Variants in ZNF555 observed in about 807,000 individuals in gnomAD.
ZNF555 encodes the protein zinc finger protein 555.
In ZNF555, 10 loss-of-function variants were observed where a neutral mutation model predicts 14.0. The ratio of observed to expected loss-of-function variants is 0.72; its 90% CI spans 0.44 to 1.21. ZNF555 has a LOEUF of 1.21. Ranked by LOEUF, ZNF555 falls within the 50% of genes most tolerant of loss-of-function variation. The pLI is 0.00. For missense variants in ZNF555, 747 were observed against 762.0 expected, an observed-to-expected ratio of 0.98 and a Z score of 0.23; for synonymous variants, 277 against 262.4, an observed-to-expected ratio of 1.06 and a Z score of -0.54.
chr19:2,849,822 C>G (rs941376880), intron 1 of ZNF555, among the ~76,000 whole-genome samples: 1 of 152,040 alleles, frequency 6.6e-6, no homozygotes, highest in Non-Finnish European at 1.5e-5. Context: ...GTGAAAAGAG[C>G]TGTTTTGGCA....
intron 1 of ZNF555, among the ~76,000 whole-genome samples, chr19:2,842,889 A>C (rs1004167200): frequency 4.6e-5 from 7 of 152,150 alleles, no homozygotes; most frequent in Admixed American, 4.6e-4. Flanking sequence ...CTAGAAATAC[A>C]AAAATTAGCT....
intron 3 of ZNF555, among the ~76,000 whole-genome samples, 184 bp downstream of exon 3, chr19:2,851,835 T>C (rs1445745314): frequency 2.6e-5 from 4 of 152,170 alleles, no homozygotes; most frequent in Non-Finnish European, 5.9e-5. Flanking sequence ...ATTAGAAACA[T>C]AATTCAGATG....
At position 2,852,932 on chromosome 19, in the gene ZNF555, T is replaced by C; in HGVS notation, c.867T>C (p.Cys289=). 1 of 1,614,254 alleles carries C rather than the reference T, an allele frequency of 6.2e-7. No homozygotes were observed. Among genetic ancestry groups the C allele is most frequent in the South Asian group, 1.1e-5 (1 of 91,092 alleles). Residue 289 remains cysteine (C), a synonymous_variant, in exon 4 of 4, where the codon TGT becomes TGC. Transcript: ENST00000334241. ...AGAAGCCATATAAATGTAAGGAATG[T>C]GCGGAAGCCTTTAGTTATTCCTCAA... ...TGEKPYKCKE[C]AEAFSYSSTF... is the part of the protein sequence containing the mutation.
intron 1 of ZNF555, among the ~76,000 whole-genome samples, chr19:2,843,101 C>G (rs1048611157): frequency 1.3e-5 from 2 of 151,204 alleles, no homozygotes; most frequent in African/African-American, 4.8e-5. Flanking sequence ...AAATCTGTGT[C>G]TTACATTCCA....
intron 1 of ZNF555, among the ~76,000 whole-genome samples, chr19:2,847,786 A>G (rs1162692561): frequency 6.6e-6 from 1 of 152,222 alleles, no homozygotes; most frequent in Non-Finnish European, 1.5e-5. Flanking sequence ...ACCAGGAATT[A>G]GGACACGGAC....
At chr19:2,845,763 T>C (rs1249995720) in intron 1 of ZNF555, among the ~76,000 whole-genome samples, 1 of 152,146 alleles carries the variant, frequency 6.6e-6, no homozygotes, top group East Asian at 1.9e-4. Flanking sequence ...GAAAGCCAGG[T>C]GGCTTATTAA....
In ZNF555 at chr19:2,851,499, A is replaced by G. The variant is rs1042608078; in HGVS notation, c.162A>G (p.Ser54=). 1 of 1,591,912 alleles carries G rather than the reference A, an allele frequency of 6.3e-7. No homozygotes were observed. Residue 54 remains serine, a synonymous_variant, in exon 3 of 4, where the codon TCA becomes TCG. Transcript: ENST00000334241. ...AAACTCAATTTAAGGCCAGTGGGTC[A>G]GTTTCTCAGCAGGATATTTATGGAG... ...DDETQFKASG[S]VSQQDIYGEK...
At position 2,852,492 on chromosome 19, in the gene ZNF555, T is replaced by A. The variant is rs765788594; in HGVS notation, c.427T>A (p.Tyr143Asn). ...GAAAATTCCACCTGGAGTAAAACAG[T>A]ATGAATACAACACGTACGGAAAAGT... Reference protein sequence around the residue: ...YKKIPPGVKQYEYNTYGKVFM... With the variant: ...YKKIPPGVKQNEYNTYGKVFM... Residue 143 changes from tyrosine (Y) to asparagine (N), a missense_variant, in exon 4 of 4, where the codon TAT becomes AAT. Transcript: ENST00000334241. 6.2e-7 allele frequency: 1 copy of A among 1,613,958 alleles called. No individual in the cohort carries two copies. Among genetic ancestry groups the A allele is most frequent in the African/African-American group, 1.3e-5 (1 of 74,916 alleles).
At chr19:2,842,631 G>A (rs1211980310) in intron 1 of ZNF555, among the ~76,000 whole-genome samples, 2 of 152,220 alleles carry the variant, frequency 1.3e-5, no homozygotes, top group African/African-American at 4.8e-5. Context: ...GTCCGTCGTG[G>A]TAGCCTGGCC....
intron 1 of ZNF555, 74 bp downstream of exon 1, chr19:2,841,649 G>A (rs1173421772): frequency 2.1e-6 from 3 of 1,399,154 alleles, no homozygotes; most frequent in Non-Finnish European, 2.8e-6. Flanking sequence ...GCGGCTTGGG[G>A]GGAGCTGAGG....
In ZNF555 at chr19:2,853,381, T is replaced by C. The variant is rs1275551799; in HGVS notation, c.1316T>C (p.Leu439Ser). Residue 439 changes from leucine to serine, a missense_variant, in exon 4 of 4, where the codon TTA becomes TCA. Coordinates refer to ENST00000334241, the MANE Select transcript of ZNF555 (RefSeq NM_152791.5). ...AAAACTTTCAATTGGCCCATATCTT[T>C]ACGAAAACATATGAGAACACATACT... ...CGKTFNWPIS[L>S]RKHMRTHTRE... The C allele has an allele frequency of 6.2e-7, 1 of 1,614,002 alleles. No individual in the cohort carries two copies. Among genetic ancestry groups the C allele is most frequent in the East Asian group, 2.2e-5 (1 of 44,868 alleles).
chr19:2,853,428 A>T lies in ZNF555; in HGVS notation c.1363A>T (p.Lys455Ter), dbSNP rs777648058. 16 of 1,614,090 alleles carry T rather than the reference A, an allele frequency of 9.9e-6. No individual in the cohort carries two copies. Among genetic ancestry groups the T allele is most frequent in the Non-Finnish European group, 1.4e-5 (16 of 1,180,034 alleles). The part of the protein sequence containing the change: ...THTREKPYEC[K>*]QCGKAFSLSA... The stretch of plus-strand genomic sequence containing the variant: ...TACTAGAGAGAAACCCTATGAATGT[A>T]AGCAGTGTGGGAAAGCCTTCAGCTT... The change falls in exon 4 of 4, where the codon AAG becomes TAG. Residue 455 changes from lysine (K) to a stop codon, truncating the protein, a stop_gained. Transcript: ENST00000334241. LOFTEE classifies it low-confidence loss of function (END_TRUNC).
intron 1 of ZNF555, among the ~76,000 whole-genome samples, chr19:2,843,220 C>G (rs954561487): frequency 6.6e-6 from 1 of 152,124 alleles, no homozygotes; most frequent in East Asian, 1.9e-4. Context: ...CTGGAGTGCA[C>G]TGGTGCGATC....
intron 1 of ZNF555, among the ~76,000 whole-genome samples, chr19:2,849,464 C>T (rs2087609528): frequency 6.7e-6 from 1 of 149,148 alleles, no homozygotes; most frequent in Admixed American, 6.7e-5. Flanking sequence ...TAACTTTATC[C>T]TTAAGGTTAG....
At position 2,851,618 on chromosome 19, in the gene ZNF555, A is replaced by C. The variant is rs746667055; in HGVS notation, c.281A>C (p.Glu94Ala). ...AAAATTTGGGACAGTCTTAGCATCG[A>C]AGATCAAACCACAAACCAGGGGAGA... Reference protein sequence around the residue: ...LGKIWDSLSIEDQTTNQGRNL... With the variant: ...LGKIWDSLSIADQTTNQGRNL... The change falls in exon 3 of 4, where the codon GAA (glutamate) becomes GCA (alanine). Residue 94 changes from glutamate (E) to alanine (A), a missense_variant. By Grantham distance (107) the Glu-to-Ala change is moderately radical. Transcript: ENST00000334241. The C allele has an allele frequency of 1.3e-6, 2 of 1,599,134 alleles. No homozygotes were observed. The highest frequency in any genetic ancestry group is 3.6e-5 in the Admixed American group (2 of 56,056).
intron 1 of ZNF555, among the ~76,000 whole-genome samples, chr19:2,843,849 G>A (rs1448561470): frequency 1.3e-5 from 2 of 152,086 alleles, no homozygotes; most frequent in African/African-American, 4.8e-5. Flanking sequence ...CCTCAGGGCT[G>A]TGTCCCTTTA....
intron 1 of ZNF555, among the ~76,000 whole-genome samples, chr19:2,845,424 A>G (rs980940535): frequency 2.6e-5 from 4 of 152,186 alleles, no homozygotes; most frequent in African/African-American, 9.7e-5. Flanking sequence ...CAGTGAACAC[A>G]CAAGTGATGT....
At chr19:2,844,833 C>T (rs896645293) in intron 1 of ZNF555, among the ~76,000 whole-genome samples, 1 of 152,174 alleles carries the variant, frequency 6.6e-6, no homozygotes, top group Admixed American at 6.5e-5. Flanking sequence ...GGTGTCTCTA[C>T]CACAGAATTA....
intron 1 of ZNF555, 97 bp downstream of exon 1, chr19:2,841,672 G>A: frequency 1.5e-6 from 2 of 1,356,782 alleles, no homozygotes; most frequent in Non-Finnish European, 9.5e-7. Context: ...CGCGGGGGGC[G>A]GCCCCGGCGA....
Sources: gnomAD v4.1 joint callset for allele counts (sites outside exome capture counted in the v4.1 genomes callset) on GRCh38, gnomAD v4.1.1 for gene constraint, MANE v1.5 for transcripts, NCBI Gene and HGNC (gene_info 2026-07-23, HGNC 2026-07-21) for gene names.